Variants in ROBO2 observed in about 807,000 individuals in gnomAD.
ROBO2 encodes roundabout homolog 2.
ROBO2 carries 53 observed loss-of-function variants against 160.8 expected under a neutral mutation model. The ratio of observed to expected loss-of-function variants is 0.33; its 90% CI spans 0.26 to 0.41. The LOEUF is 0.41. Ranked by LOEUF, ROBO2 falls within the 10% of genes least tolerant of loss-of-function variation. ROBO2 has a pLI of 1.00. For missense variants in ROBO2, 1,577 were observed against 1,722.4 expected, an observed-to-expected ratio of 0.92 and a Z score of 1.49; for synonymous variants, 664 against 611.7, an observed-to-expected ratio of 1.09 and a Z score of -1.26.
At chr3:76,095,785 CACAA>C (rs1395000347) in intron 2 of ROBO2, among the ~76,000 whole-genome samples, 3 of 135,166 alleles carry the variant, frequency 2.2e-5, no homozygotes, top group Non-Finnish European at 4.7e-5. Flanking sequence ...CACACACACA[CACAA>C]GATAATCATC....
At chr3:76,942,093 T>A (rs2078224942) in intron 2 of ROBO2, among the ~76,000 whole-genome samples, 1 of 152,244 alleles carries the variant, frequency 6.6e-6, no homozygotes, top group African/African-American at 2.4e-5. Flanking sequence ...TATTGTGATA[T>A]GAAATTCATA....
Position 77,252,831 on chromosome 3 carries a change from A to AAAAAAAT in ROBO2, c.388+154492_388+154493insAAAAATA. Reference sequence around the variant, plus strand: ...TCAAAAAAAAAAAAAAAAAAAAAAAAATATATATATATATATATATGAAAA... The same window carrying AAAAAAAT: ...TCAAAAAAAAAAAAAAAAAAAAAAAAAAAAAATATATATATATATATATATATGAAAA... On this transcript the variant is annotated intron_variant, in intron 2 of 25. Coordinates refer to ENST00000461745, the Ensembl canonical transcript of ROBO2. Among the ~76,000 whole-genome samples, 30 of 12,522 alleles carry AAAAAAAT rather than the reference A, an allele frequency of 2.4e-3. 3 individuals are homozygous for AAAAAAAT. The highest frequency in any genetic ancestry group is 4.7e-3 in the African/African-American group (30 of 6,322). The allele number at this position is 12,522 out of a possible 152,430, so 8.2% of individuals were successfully genotyped here.
chr3:76,650,327 C>A (rs570072533), intron 2 of ROBO2, among the ~76,000 whole-genome samples: 1 of 152,054 alleles, frequency 6.6e-6, no homozygotes, highest in Non-Finnish European at 1.5e-5. Flanking sequence ...GAGGAGACAG[C>A]GTGCCTTCGT....
chr3:76,892,174 G>A (rs959369765), intron 2 of ROBO2, among the ~76,000 whole-genome samples: 6 of 152,110 alleles, frequency 3.9e-5, no homozygotes, highest in East Asian at 1.9e-4. Flanking sequence ...GGAGCATGCC[G>A]AATTCTGTGT....
At chr3:76,395,935 C>A (rs1230960827) in intron 2 of ROBO2, among the ~76,000 whole-genome samples, 1 of 152,080 alleles carries the variant, frequency 6.6e-6, no homozygotes, top group African/African-American at 2.4e-5. Context: ...CCATTCCAAT[C>A]AATAGAAAAA....
chr3:76,986,285 T>TAC (rs1258735862), intron 2 of ROBO2, among the ~76,000 whole-genome samples: 1 of 152,188 alleles, frequency 6.6e-6, no homozygotes, highest in African/African-American at 2.4e-5. Flanking sequence ...TTAGGGCTGT[T>TAC]TACTATTGAT....
intron 2 of ROBO2, among the ~76,000 whole-genome samples, chr3:76,968,116 C>T (rs1408577833): frequency 2.6e-5 from 4 of 152,140 alleles, no homozygotes; most frequent in South Asian, 2.1e-4. Flanking sequence ...ATAAGTTTCT[C>T]ATTGCACTCA....
chr3:76,654,641 C>T (rs1005887276), intron 2 of ROBO2, among the ~76,000 whole-genome samples: 1 of 151,938 alleles, frequency 6.6e-6, no homozygotes, highest in Non-Finnish European at 1.5e-5. Context: ...TCAAGGGTGA[C>T]AAGATCTGTG....
At position 77,568,583 on chromosome 3, in the gene ROBO2, T is replaced by C. The variant is rs188403787; in HGVS notation, c.1971+149T>C. 1.9e-3 allele frequency: 1,744 copies of C among 924,154 alleles called. 6 individuals carry two copies. Among genetic ancestry groups the C allele is most frequent in the Non-Finnish European group, 2.4e-3 (1,417 of 592,090 alleles). The allele number at this position is 924,154 out of a possible 1,614,324, so 57.2% of individuals were successfully genotyped here. ...ATGATAGTAAAGAAAATCAACAAAT[T>C]AAAAAGTTACTAGAATAACCATAGT... On this transcript the variant is annotated intron_variant, in intron 13 of 25. Coordinates refer to ENST00000461745, the Ensembl canonical transcript of ROBO2.
intron 2 of ROBO2, among the ~76,000 whole-genome samples, chr3:76,278,267 C>CT (rs1478424067): frequency 1.3e-5 from 2 of 151,836 alleles, no homozygotes; most frequent in African/African-American, 4.8e-5. Context: ...AAGTTTGTCA[C>CT]TAATAATAAA....
chr3:76,746,548 T>C (rs2093895619), intron 2 of ROBO2, among the ~76,000 whole-genome samples: 1 of 152,156 alleles, frequency 6.6e-6, no homozygotes, highest in Admixed American at 6.6e-5. Context: ...AGATGGTATC[T>C]CATTGTGGTT....
At chr3:76,271,370 A>G (rs1707422534) in intron 2 of ROBO2, among the ~76,000 whole-genome samples, 1 of 151,782 alleles carries the variant, frequency 6.6e-6, no homozygotes, top group Non-Finnish European at 1.5e-5. Context: ...TTGTAGTAAG[A>G]CTTAGGTACA....
chr3:76,944,269 C>T (rs983961199), intron 2 of ROBO2, among the ~76,000 whole-genome samples: 4 of 151,908 alleles, frequency 2.6e-5, no homozygotes, highest in Non-Finnish European at 5.9e-5. Flanking sequence ...TTTTCAAGTC[C>T]AAATAAAAAA....
At chr3:76,004,361 CAG>C (rs2065965485) in intron 2 of ROBO2, among the ~76,000 whole-genome samples, 1 of 152,082 alleles carries the variant, frequency 6.6e-6, no homozygotes, top group African/African-American at 2.4e-5. Context: ...GTGGGGTAGA[CAG>C]GGGCTAGGTG....
intron 2 of ROBO2, among the ~76,000 whole-genome samples, chr3:77,159,733 C>A (rs1356662611): frequency 1.3e-5 from 2 of 152,012 alleles, no homozygotes; most frequent in African/African-American, 4.8e-5. Flanking sequence ...CAGGGTAGCT[C>A]ATATAAACAT....
rs138903534 is a variant in ROBO2 at position 76,206,105 on chromosome 3, G to A, written c.109+268503G>A. ...CTGCTCTCTCTCTACAAATAAAGTC[G>A]TACAATTCCCCACTCTTAGAGAGCT... On this transcript the variant is annotated intron_variant, in intron 2 of 26. Transcript: ENST00000487694. Among the ~76,000 whole-genome samples, 588 of 152,076 alleles carry A rather than the reference G, an allele frequency of 3.9e-3. 5 individuals carry two copies. The highest frequency in any genetic ancestry group is 0.013 in the African/African-American group (555 of 41,498).
At chr3:77,460,103 G>A (rs984163389) in intron 2 of ROBO2, among the ~76,000 whole-genome samples, 3 of 152,118 alleles carry the variant, frequency 2.0e-5, no homozygotes, top group African/African-American at 7.2e-5. Flanking sequence ...TACTCTGAGA[G>A]ATGTTGGTGA....
At chr3:77,457,494 T>C (rs2081788303) in intron 2 of ROBO2, among the ~76,000 whole-genome samples, 1 of 152,132 alleles carries the variant, frequency 6.6e-6, no homozygotes, top group Non-Finnish European at 1.5e-5. Flanking sequence ...TGTGTTAAAA[T>C]GCCTATATAT....
intron 2 of ROBO2, among the ~76,000 whole-genome samples, chr3:77,133,219 T>A (rs1474343218): frequency 1.3e-5 from 2 of 152,170 alleles, no homozygotes; most frequent in Non-Finnish European, 2.9e-5. Flanking sequence ...GGCAAACACA[T>A]ATTATGGAAT....
Sources: allele counts gnomAD v4.1 joint callset (sites outside exome capture counted in the v4.1 genomes callset), GRCh38; gene constraint gnomAD v4.1.1; transcripts MANE v1.5; gene names NCBI Gene and HGNC (gene_info 2026-07-23, HGNC 2026-07-21).